GALNT13: variants seen among roughly 807,000 people sequenced by gnomAD.
GALNT13 encodes polypeptide N-acetylgalactosaminyltransferase 13.
GALNT13 carries 28 observed loss-of-function variants against 64.2 expected under a neutral mutation model. That is an observed-to-expected ratio of 0.44 (90% confidence interval 0.32 to 0.60). The LOEUF (loss-of-function observed/expected upper bound fraction) is 0.60, where lower values mean the gene tolerates loss of function less well. Ranked by LOEUF, GALNT13 falls within the 20% of genes least tolerant of loss-of-function variation. The pLI is 0.05. For missense variants in GALNT13, 577 were observed against 669.8 expected (o/e 0.86, Z 1.53); for synonymous variants, 214 against 224.6 (o/e 0.95, Z 0.42).
chr2:153,839,918 C>T, the GALNT13 span, among the ~76,000 whole-genome samples: 1 of 151,910 alleles, frequency 6.6e-6, no homozygotes, highest in Non-Finnish European at 1.5e-5. Context: ...GAAAAACTGA[C>T]TGTTTATAGA....
At chr2:153,968,539 T>C (rs1253292149) in intron 3 of GALNT13, among the ~76,000 whole-genome samples, 2 of 152,230 alleles carry the variant, frequency 1.3e-5, no homozygotes, top group African/African-American at 4.8e-5. Flanking sequence ...CCTAGGTATG[T>C]GGTCCTTACC....
the GALNT13 span, among the ~76,000 whole-genome samples, chr2:153,662,546 G>T: frequency 6.6e-6 from 1 of 152,144 alleles, no homozygotes; most frequent in Non-Finnish European, 1.5e-5. Context: ...TCAACATAGT[G>T]TAGTTTCTAT....
At chr2:154,308,965 G>C (rs1693888658) in intron 9 of GALNT13, among the ~76,000 whole-genome samples, 1 of 151,972 alleles carries the variant, frequency 6.6e-6, no homozygotes, top group South Asian at 2.1e-4. Context: ...TATTCTATGG[G>C]TTTTTATTTG....
the GALNT13 span, among the ~76,000 whole-genome samples, chr2:153,821,040 C>T: frequency 1.3e-5 from 2 of 152,118 alleles, no homozygotes; most frequent in South Asian, 4.2e-4. Context: ...AAACAGAAGA[C>T]TTAACTATCC....
At chr2:154,182,380 G>A (rs571164252) in intron 4 of GALNT13, among the ~76,000 whole-genome samples, 2 of 152,022 alleles carry the variant, frequency 1.3e-5, no homozygotes, top group Non-Finnish European at 2.9e-5. Flanking sequence ...TTTGAAAGTT[G>A]TCAATGTATT....
chr2:153,248,964 T>G, the GALNT13 span, among the ~76,000 whole-genome samples: 1 of 152,006 alleles, frequency 6.6e-6, no homozygotes, highest in African/African-American at 2.4e-5. Flanking sequence ...CCTTGAAAAC[T>G]GGCACAAGAC....
chr2:154,020,352 C>T (rs1697359932), intron 3 of GALNT13, among the ~76,000 whole-genome samples: 1 of 152,178 alleles, frequency 6.6e-6, no homozygotes, highest in African/African-American at 2.4e-5. Flanking sequence ...CACATCCTCT[C>T]CAGCACCTGT....
chr2:154,139,690 T>G (rs1318967878), intron 3 of GALNT13, among the ~76,000 whole-genome samples: 1 of 151,696 alleles, frequency 6.6e-6, no homozygotes, highest in East Asian at 1.9e-4. Context: ...GAAGGGACTT[T>G]AGTGTAGTGA....
chr2:154,192,196 T>C (rs1391697310), intron 4 of GALNT13, among the ~76,000 whole-genome samples: 1 of 152,176 alleles, frequency 6.6e-6, no homozygotes, highest in Admixed American at 6.5e-5. Context: ...TCTCTCCACG[T>C]CCAGCCACTT....
the GALNT13 span, among the ~76,000 whole-genome samples, chr2:153,110,993 G>A: frequency 6.6e-6 from 1 of 152,042 alleles, no homozygotes; most frequent in Non-Finnish European, 1.5e-5. Context: ...CCCCATAGAA[G>A]CTTATATCTT....
intron 4 of GALNT13, among the ~76,000 whole-genome samples, chr2:154,214,948 A>G (rs1573891952): frequency 2.0e-5 from 3 of 152,302 alleles, no homozygotes; most frequent in Admixed American, 2.0e-4. Context: ...ATGATCTATG[A>G]CAGCACTCAC....
At chr2:154,174,194 CT>C (rs1371365098) in intron 4 of GALNT13, among the ~76,000 whole-genome samples, 3 of 152,178 alleles carry the variant, frequency 2.0e-5, no homozygotes, top group Non-Finnish European at 4.4e-5. Context: ...AACCCCTTCA[CT>C]GATTGGCTGG....
intron 3 of GALNT13, among the ~76,000 whole-genome samples, chr2:154,072,506 G>T (rs772758574): frequency 6.6e-6 from 1 of 151,916 alleles, no homozygotes; most frequent in East Asian, 1.9e-4. Context: ...ATAAGATTTG[G>T]CTCAAAACAT....
intron 3 of GALNT13, among the ~76,000 whole-genome samples, chr2:153,948,779 TCAC>T (rs1269215524): frequency 6.6e-6 from 1 of 152,124 alleles, no homozygotes; most frequent in Non-Finnish European, 1.5e-5. Context: ...GCTCATGTTC[TCAC>T]TTATAAGTGG....
chr2:154,261,340 A>G (rs551506439), intron 8 of GALNT13, among the ~76,000 whole-genome samples: 1 of 152,314 alleles, frequency 6.6e-6, no homozygotes, highest in East Asian at 1.9e-4. Context: ...TTTAGTTTCC[A>G]TATGACTTTA....
At chr2:153,547,855 T>A in the GALNT13 span, among the ~76,000 whole-genome samples, 1 of 152,204 alleles carries the variant, frequency 6.6e-6, no homozygotes, top group Non-Finnish European at 1.5e-5. Context: ...CACTTACTCT[T>A]GACTTTTGGC....
At chr2:154,241,778 G>T (rs1689500685) in intron 4 of GALNT13, among the ~76,000 whole-genome samples, 1 of 152,088 alleles carries the variant, frequency 6.6e-6, no homozygotes, top group South Asian at 2.1e-4. Context: ...TCTTAGACTT[G>T]TAGAAATCAT....
At chr2:153,859,261 A>C in the GALNT13 span, among the ~76,000 whole-genome samples, 77 of 152,226 alleles carry the variant, frequency 5.1e-4, no homozygotes, top group Admixed American at 1.3e-3. Flanking sequence ...ATCCTAATAA[A>C]TATCCTAATT....
chr2:153,104,178 C>T, the GALNT13 span, among the ~76,000 whole-genome samples: 1 of 152,116 alleles, frequency 6.6e-6, no homozygotes, highest in Non-Finnish European at 1.5e-5. Flanking sequence ...ATGCTTTTTA[C>T]ATTAAAAGGA....
Sources: allele counts gnomAD v4.1 joint callset (sites outside exome capture counted in the v4.1 genomes callset), GRCh38; gene constraint gnomAD v4.1.1; transcripts MANE v1.5; gene names NCBI Gene and HGNC (gene_info 2026-07-23, HGNC 2026-07-21).